The following GOSR2 variants were observed in gnomAD, a reference collection of about 807,000 sequenced individuals.
GOSR2 encodes golgi SNAP receptor complex member 2, also known as 27 kDa Golgi SNARE protein.
GOSR2 carries 20 observed loss-of-function variants against 27.9 expected under a neutral mutation model. That is an observed-to-expected ratio of 0.72 (90% CI 0.50 to 1.04). The LOEUF is 1.04. Among genes scored for constraint, GOSR2 ranks in the 50% least tolerant of loss-of-function variants. The probability of loss-of-function intolerance (pLI) is 0.00; values close to 1 mark genes in which losing one functional copy is unlikely to be tolerated. For missense variants in GOSR2, 261 were observed against 270.5 expected, an observed-to-expected ratio of 0.97 and a Z score of 0.25; for synonymous variants, 91 against 98.8, an observed-to-expected ratio of 0.92 and a Z score of 0.47.
chr17:46,932,623 G>T (rs1287449653), intron 4 of GOSR2: 1 of 331,134 alleles, frequency 3.0e-6, no homozygotes, highest in Non-Finnish European at 5.5e-6. Flanking sequence ...AGTGTCAGGT[G>T]CATTAAGATG....
At chr17:46,964,293 T>G (rs1277166114) in intron 6 of GOSR2, 1 of 152,218 alleles carries the variant, frequency 6.6e-6, no homozygotes, top group Non-Finnish European at 1.5e-5. Flanking sequence ...CACATTGGAC[T>G]CCTCCTCCAG....
chr17:46,945,617 G>C (rs978893930), downstream of GOSR2, among the ~76,000 whole-genome samples: 2 of 152,138 alleles, frequency 1.3e-5, no homozygotes, highest in African/African-American at 4.8e-5. Context: ...ATGCAGAAGG[G>C]AAGCAGTTCT....
At chr17:46,970,045 CTCA>C (rs2147341488), downstream of GOSR2, among the ~76,000 whole-genome samples, 1 of 152,310 alleles carries the variant, frequency 6.6e-6, no homozygotes, top group East Asian at 1.9e-4. Flanking sequence ...CTTCCAGTTT[CTCA>C]TCTGTAAAAT....
chr17:46,935,077 T>G lies in GOSR2; in HGVS notation c.385T>G (p.Ser129Ala), dbSNP rs2088071015. 1 of 1,612,420 alleles carries G rather than the reference T, an allele frequency of 6.2e-7. No homozygotes were observed. The highest frequency in any genetic ancestry group is 1.7e-5 in the Admixed American group (1 of 60,006). The change falls in exon 5 of 6, where the codon TCC (serine) becomes GCC (alanine). Residue 129 changes from serine (S) to alanine (A), a missense_variant. Physicochemically the swap from Ser to Ala is moderately conservative, Grantham distance 99. Coordinates refer to ENST00000640051, the MANE Select transcript of GOSR2 (RefSeq NM_004287.5). ...PMDESLQFNS[S>A]LQKVHNGMDD... ...GGACGAATCACTGCAGTTTAACTCC[T>G]CCCTCCAGAAAGTTCACAACGGCAT...
In GOSR2 at chr17:46,935,487, C is replaced by T. The variant is rs1201258072; in HGVS notation, c.477+318C>T. ...AATCACAGGCTGAGAAATTGTGTTA[C>T]AGAATCTACTCTTGGAAGAATGAAG... On this transcript the variant is annotated intron_variant, in intron 5 of 5. Transcript: ENST00000640051. 3.7e-6 allele frequency: 5 copies of T among 1,359,490 alleles called. No homozygotes were observed. The East Asian group carries it at 1.1e-4, about 30-fold the overall frequency. 84.2% of individuals were successfully genotyped at this position (1,359,490 alleles called of 1,614,324 possible). A position where few individuals can be genotyped will look rare whatever the true frequency, so the allele number is the denominator to read the frequency against.
chr17:46,969,300 G>T (rs777369417), downstream of GOSR2, among the ~76,000 whole-genome samples: 4 of 152,216 alleles, frequency 2.6e-5, no homozygotes, highest in Non-Finnish European at 5.9e-5. Context: ...CCTGGTCCTT[G>T]TGCCCCCTGG....
downstream of GOSR2, among the ~76,000 whole-genome samples, chr17:46,971,374 A>T (rs1409110922): frequency 6.6e-6 from 1 of 152,128 alleles, no homozygotes; most frequent in Non-Finnish European, 1.5e-5. Flanking sequence ...GGAAAAATAT[A>T]ATAAGGACAC....
chr17:46,943,552 C>T (rs1024824521), downstream of GOSR2, among the ~76,000 whole-genome samples: 4 of 152,254 alleles, frequency 2.6e-5, no homozygotes, highest in African/African-American at 7.2e-5. Flanking sequence ...TCATACTGCA[C>T]GCTTCCTGCG....
chr17:46,962,766 G>A (rs2091137791), intron 6 of GOSR2, among the ~76,000 whole-genome samples: 1 of 152,200 alleles, frequency 6.6e-6, no homozygotes, highest in Non-Finnish European at 1.5e-5. Context: ...GCAGGACTGA[G>A]CAGTTGAGCC....
At chr17:46,924,183 A>G (rs2086150897) in intron 1 of GOSR2, 1 of 247,860 alleles carries the variant, frequency 4.0e-6, no homozygotes, top group East Asian at 7.2e-5. Context: ...GAGTTTACCT[A>G]TTCTAGATAC....
intron 6 of GOSR2, among the ~76,000 whole-genome samples, chr17:46,951,944 G>A (rs528426089): frequency 1.3e-5 from 2 of 152,090 alleles, no homozygotes; most frequent in South Asian, 2.1e-4. Context: ...CCCCCACCAG[G>A]AAGTCTTCCT....
chr17:46,938,203 A>G (rs2088731741), intron 5 of GOSR2, among the ~76,000 whole-genome samples: 1 of 151,812 alleles, frequency 6.6e-6, no homozygotes, highest in Non-Finnish European at 1.5e-5. Context: ...TTTTTTCTAG[A>G]AGCTTTAATT....
At chr17:46,954,296 C>A (rs1173250332) in intron 6 of GOSR2, among the ~76,000 whole-genome samples, 1 of 152,140 alleles carries the variant, frequency 6.6e-6, no homozygotes, top group African/African-American at 2.4e-5. Flanking sequence ...ATAGGGAATC[C>A]TTTTCCCATT....
chr17:46,925,907 A>C (rs545177292), intron 1 of GOSR2, among the ~76,000 whole-genome samples: 17 of 152,242 alleles, frequency 1.1e-4, no homozygotes, highest in Non-Finnish European at 2.1e-4. Flanking sequence ...TTTAATTTAG[A>C]TGAACTTTAT....
At chr17:46,943,207 G>A (rs1000616716), downstream of GOSR2, among the ~76,000 whole-genome samples, 1 of 152,106 alleles carries the variant, frequency 6.6e-6, no homozygotes, top group Non-Finnish European at 1.5e-5. Context: ...GACCAACTAG[G>A]GGCAGGGATG....
intron 6 of GOSR2, among the ~76,000 whole-genome samples, chr17:46,953,793 T>G (rs1472862365): frequency 6.6e-6 from 1 of 152,266 alleles, no homozygotes; most frequent in East Asian, 1.9e-4. Flanking sequence ...TGGCCAGTGA[T>G]GATGAGCATT....
At chr17:46,958,906 A>G (rs748265252) in intron 6 of GOSR2, among the ~76,000 whole-genome samples, 16 of 152,352 alleles carry the variant, frequency 1.1e-4, no homozygotes, top group South Asian at 2.1e-4. Flanking sequence ...GAAATGTACA[A>G]CCTACCTCCA....
intron 6 of GOSR2, among the ~76,000 whole-genome samples, chr17:46,973,584 T>C (rs1193382377): frequency 6.6e-6 from 1 of 152,186 alleles, no homozygotes; most frequent in Non-Finnish European, 1.5e-5. Flanking sequence ...GAACTATGAC[T>C]GCAAGGGTGA....
chr17:46,931,352 G>A, intron 3 of GOSR2, 145 bp downstream of exon 3: 1 of 676,688 alleles, frequency 1.5e-6, no homozygotes, highest in South Asian at 1.7e-5. Context: ...CCCTCAAAGG[G>A]CACAATTCTA....
Sources: gnomAD v4.1 joint callset for allele counts (sites outside exome capture counted in the v4.1 genomes callset) on GRCh38, gnomAD v4.1.1 for gene constraint, MANE v1.5 for transcripts, NCBI Gene and HGNC (gene_info 2026-07-23, HGNC 2026-07-21) for gene names.